The following ABCA5 variants were observed in gnomAD, a reference collection of about 807,000 sequenced individuals.
ABCA5 encodes ATP binding cassette subfamily A member 5.
In ABCA5, 163 loss-of-function variants were observed where a neutral mutation model predicts 206.0. That is an observed-to-expected ratio of 0.79 (90% CI 0.70 to 0.90). The LOEUF is 0.90. Ranked by LOEUF, ABCA5 falls within the 40% of genes least tolerant of loss-of-function variation. The pLI, the probability that ABCA5 is intolerant of heterozygous loss-of-function variation, is 0.00. For synonymous variants in ABCA5, 609 were observed against 613.8 expected (o/e 0.99, Z 0.11); for missense variants, 1,859 against 1,912.9 (o/e 0.97, Z 0.53).
chr17:69,300,171 G>T (rs867552836), intron 9 of ABCA5, among the ~76,000 whole-genome samples: 1 of 152,216 alleles, frequency 6.6e-6, no homozygotes, highest in Admixed American at 6.5e-5. Flanking sequence ...CCATCTGGGG[G>T]TGATGGGAGA....
chr17:69,250,806 T>G (rs573987608), intron 35 of ABCA5, 185 bp from the exon 36 acceptor site: 55 of 361,146 alleles, frequency 1.5e-4, no homozygotes, highest in African/African-American at 6.4e-4. Flanking sequence ...CATCTTATAT[T>G]ACCATGGTAA....
At chr17:69,256,422 T>C in intron 28 of ABCA5, 139 bp from the exon 29 acceptor site, 1 of 484,972 alleles carries the variant, frequency 2.1e-6, no homozygotes, top group Non-Finnish European at 3.3e-6. Flanking sequence ...GGTGGAATTA[T>C]AAGCGATATT....
chr17:69,308,401 T>C, intron 4 of ABCA5, 33 bp from the exon 5 acceptor site: 1 of 1,437,404 alleles, frequency 7.0e-7, no homozygotes, highest in South Asian at 1.2e-5. Context: ...TCTAAGATTC[T>C]GTACAACATG....
At chr17:69,308,149 TCAAAGGAG>T in intron 5 of ABCA5, 123 bp downstream of exon 5, 2 of 420,548 alleles carry the variant, frequency 4.8e-6, no homozygotes, top group African/African-American at 2.0e-5. Flanking sequence ...ATCTTTTTTC[TCAAAGGAG>T]TTGTAGTAGG....
At chr17:69,294,982 T>A (rs550468629) in intron 10 of ABCA5, among the ~76,000 whole-genome samples, 2 of 152,156 alleles carry the variant, frequency 1.3e-5, no homozygotes, top group African/African-American at 2.4e-5. Context: ...AATCTATTAA[T>A]AGCCTACTAT....
intron 20 of ABCA5, among the ~76,000 whole-genome samples, chr17:69,272,570 T>C (rs2075284609): frequency 6.6e-6 from 1 of 152,126 alleles, no homozygotes; most frequent in African/African-American, 2.4e-5. Context: ...ATAAAAAATG[T>C]CAAGATTAGC....
intron 22 of ABCA5, among the ~76,000 whole-genome samples, chr17:69,268,480 T>C (rs558293666): frequency 5.3e-5 from 8 of 152,016 alleles, no homozygotes; most frequent in Admixed American, 4.6e-4. Flanking sequence ...GGAAAAGCTA[T>C]ATCCAAGCTC....
At chr17:69,261,604 GA>G (rs1168458395) in intron 25 of ABCA5, 30 bp downstream of exon 25, 2 of 998,598 alleles carry the variant, frequency 2.0e-6, no homozygotes, top group Admixed American at 5.6e-5. Flanking sequence ...AACTGCTATG[GA>G]AAGTTGAAAT....
chr17:69,254,444 G>A lies in ABCA5; in HGVS notation c.4115C>T (p.Ser1372Leu). The change falls in exon 32 of 39, where the codon TCA becomes TTA. Residue 1372 changes from serine (S) to leucine (L), a missense_variant. Ser to Leu is a moderately radical substitution (Grantham distance 145). Coordinates refer to ENST00000392676, the MANE Select transcript of ABCA5 (RefSeq NM_172232.4). ...YSSETSEDDD[S>L]LKCMGYCPQI... is the part of the protein sequence containing the mutation. ...AGGACAGTAACCCATACACTTCAGT[G>A]AATCATCATCTTCACTTGTCTCTGA... 1 of 1,613,054 alleles carries A rather than the reference G, an allele frequency of 6.2e-7. No homozygotes were observed. Among genetic ancestry groups the A allele is most frequent in the Non-Finnish European group, 8.5e-7 (1 of 1,179,572 alleles).
rs2075148513 is a variant in ABCA5, at chr17:69,261,639, G to A, written c.3425C>T (p.Ser1142Phe). The change falls in exon 25 of 39, where the codon TCT (serine) becomes TTT (phenylalanine). Residue 1142 changes from serine to phenylalanine, a missense_variant. Transcript: ENST00000392676. The stretch of plus-strand genomic sequence containing the variant: ...ATAATGTAAAATGTGACTTACCACA[G>A]AATAGATAAATGACCAAAATTCTTT... Reference protein sequence around the residue: ...NTKEFWSFIYSVAALACIAIT... With the variant: ...NTKEFWSFIYFVAALACIAIT... 1.5e-6 allele frequency: 2 copies of A among 1,299,514 alleles called. No individual in the cohort carries two copies. The highest frequency in any genetic ancestry group is 2.5e-5 in the East Asian group (1 of 39,710). 80.5% of individuals were successfully genotyped at this position (1,299,514 alleles called of 1,614,324 possible).
At chr17:69,259,057 T>C (rs1389281171) in intron 28 of ABCA5, among the ~76,000 whole-genome samples, 1 of 151,978 alleles carries the variant, frequency 6.6e-6, no homozygotes, top group Non-Finnish European at 1.5e-5. Flanking sequence ...ATTCCTCAAA[T>C]GACCCAGCAA....
intron 14 of ABCA5, among the ~76,000 whole-genome samples, 189 bp from the exon 15 acceptor site, chr17:69,287,940 T>C (rs2075477911): frequency 6.6e-6 from 1 of 152,152 alleles, no homozygotes; most frequent in African/African-American, 2.4e-5. Context: ...CATGTGAATA[T>C]TTTCCCAGGT....
At chr17:69,263,640 T>C (rs1197220081) in intron 24 of ABCA5, among the ~76,000 whole-genome samples, 4 of 151,778 alleles carry the variant, frequency 2.6e-5, no homozygotes, top group African/African-American at 9.7e-5. Context: ...GCCTTTATAG[T>C]ATAGTTTGAA....
Position 69,320,014 on chromosome 17 carries a change from TACA to T in ABCA5, c.-15-5587_-15-5585del, listed in dbSNP as rs752421036. Among the ~76,000 whole-genome samples, 7 of 152,300 alleles carry T rather than the reference TACA, an allele frequency of 4.6e-5. No individual in the cohort carries two copies. In the South Asian group the frequency reaches 6.2e-4, roughly 14 times the overall value. ...CGCCTAAGTTTTATTATCTGTAAAATACAACAATAGTAGTACCTACCTCTTTGG... is the reference window on the plus strand; with the variant it reads ...CGCCTAAGTTTTATTATCTGTAAAATACAATAGTAGTACCTACCTCTTTGG... On this transcript the variant is annotated intron_variant, in intron 1 of 38. Transcript: ENST00000392676.
chr17:69,298,691 CA>C (rs113902776), intron 9 of ABCA5, among the ~76,000 whole-genome samples: 46,997 of 151,950 alleles, frequency 0.31, 7,787 homozygotes, highest in East Asian at 0.56. Context: ...ATACAAAAAT[CA>C]ACTCAAGATA....
chr17:69,270,631 C>A lies in ABCA5; in HGVS notation c.3012G>T (p.Trp1004Cys), dbSNP rs141491858. 90 of 1,591,896 alleles carry A rather than the reference C, an allele frequency of 5.7e-5. No individual in the cohort carries two copies. The highest frequency in any genetic ancestry group is 1.8e-5 in the Non-Finnish European group (21 of 1,172,060). Residue 1004 changes from tryptophan (W) to cysteine (C), a missense_variant, in exon 22 of 39, where the codon TGG (tryptophan) becomes TGT (cysteine). By Grantham distance (215) the Trp-to-Cys change is radical. Transcript: ENST00000392676. ...GGCTTACTTGAAAGAATGGGGTACT[C>A]CAGATCTGGATGGTTTCAGTCACAT... ...HLNVTETIQI[W>C]STPFFQEITD...
intron 22 of ABCA5, 49 bp downstream of exon 22, chr17:69,270,564 A>G (rs1213049478): frequency 4.1e-6 from 6 of 1,476,562 alleles, no homozygotes; most frequent in Non-Finnish European, 4.5e-6. Context: ...AATGGTTATT[A>G]TATATATGAC....
In ABCA5 at chr17:69,245,326, G is replaced by C. The variant is rs1285249917; in HGVS notation, c.*2211C>G. On this transcript the variant is annotated 3_prime_UTR_variant, in exon 39 of 39. Coordinates refer to ENST00000392676, the MANE Select transcript of ABCA5 (RefSeq NM_172232.4). ...TTTGACCATGAATGGGAAATATAAGGTTGGTGATGTTGCTTTTGCCTAATA... is the reference window on the plus strand; with the variant it reads ...TTTGACCATGAATGGGAAATATAAGCTTGGTGATGTTGCTTTTGCCTAATA... The C allele has an allele frequency of 1.3e-5, 2 of 151,812 alleles. No individual in the cohort carries two copies. Among genetic ancestry groups the C allele is most frequent in the Non-Finnish European group, 2.9e-5 (2 of 67,836 alleles). The allele number at this position is 151,812 out of a possible 1,614,324, so 9.4% of individuals were successfully genotyped here.
chr17:69,317,322 T>C (rs556544441), intron 1 of ABCA5: 11 of 143,848 alleles, frequency 7.6e-5, no homozygotes, highest in African/African-American at 2.6e-4. Context: ...ATTGCTTAAA[T>C]CTGGGAGGCA....
Sources: allele counts gnomAD v4.1 joint callset (sites outside exome capture counted in the v4.1 genomes callset), GRCh38; gene constraint gnomAD v4.1.1; transcripts MANE v1.5; gene names NCBI Gene and HGNC (gene_info 2026-07-23, HGNC 2026-07-21).